The following ZNF461 variants were observed in gnomAD, a reference collection of about 807,000 sequenced individuals.
ZNF461 encodes the protein zinc finger protein 461.
A neutral mutation model predicts 18.3 loss-of-function variants in ZNF461; 16 were observed. The observed-to-expected ratio is 0.88, with a 90% CI of 0.59 to 1.33. ZNF461 has a LOEUF of 1.33. Among genes scored for constraint, ZNF461 ranks in the 40% most tolerant of loss-of-function variants. The pLI is 0.00. For synonymous variants in ZNF461, 179 were observed against 216.9 expected (o/e 0.83, Z 1.54); for missense variants, 595 against 669.9 (o/e 0.89, Z 1.23).
At chr19:36,662,095 C>A (rs1390215597) in intron 2 of ZNF461, among the ~76,000 whole-genome samples, 1 of 151,970 alleles carries the variant, frequency 6.6e-6, no homozygotes, top group Admixed American at 6.6e-5. Flanking sequence ...TATCGAACTC[C>A]CGACCTCAGG....
chr19:36,643,816 A>G lies in ZNF461; in HGVS notation c.279T>C (p.Asn93=), dbSNP rs2037472432. The G allele has an allele frequency of 6.5e-7, 1 of 1,541,872 alleles. No homozygotes were observed. ...WGFHNNFLDN[N]EATDINADLA... ...TACCTGCATTTATGTCTGTAGCCTC[A>G]TTATTGTCCAAGAAATTATTGTGAA... The change falls in exon 5 of 6, where the codon AAT becomes AAC. Residue 93 remains asparagine, a synonymous_variant. Transcript: ENST00000588268.
chr19:36,643,882 T>A lies in ZNF461; in HGVS notation c.233-20A>T. 7.0e-7 allele frequency: 1 copy of A among 1,436,748 alleles called. No individual in the cohort carries two copies. Among genetic ancestry groups the A allele is most frequent in the Non-Finnish European group, 9.3e-7 (1 of 1,069,912 alleles). The allele number at this position is 1,436,748 out of a possible 1,614,324, so 89.0% of individuals were successfully genotyped here. A position where few individuals can be genotyped will look rare whatever the true frequency, so the allele number is the denominator to read the frequency against. On this transcript the variant is annotated intron_variant, in intron 4 of 5. Transcript: ENST00000588268. Reference sequence around the variant, plus strand: ...ATGTACCTACATGGAAACAAAAGAATAAATACTTCATTTTAGAATAATATT... The same window carrying A: ...ATGTACCTACATGGAAACAAAAGAAAAAATACTTCATTTTAGAATAATATT...
chr19:36,644,196 G>A (rs2037480267), intron 4 of ZNF461, among the ~76,000 whole-genome samples: 1 of 151,970 alleles, frequency 6.6e-6, no homozygotes, highest in African/African-American at 2.4e-5. Context: ...GCCTCCCAAA[G>A]TGCTGGGATT....
At chr19:36,659,713 A>G (rs1218383408) in intron 2 of ZNF461, among the ~76,000 whole-genome samples, 3 of 152,200 alleles carry the variant, frequency 2.0e-5, no homozygotes, top group Non-Finnish European at 4.4e-5. Context: ...GTTATCATCC[A>G]CCACCTCTCC....
At chr19:36,642,849 G>T (rs1201494861) in intron 5 of ZNF461, among the ~76,000 whole-genome samples, 2 of 151,844 alleles carry the variant, frequency 1.3e-5, no homozygotes, top group Non-Finnish European at 2.9e-5. Context: ...CCGCCTCCTG[G>T]GTTCAAGTGA....
intron 2 of ZNF461, among the ~76,000 whole-genome samples, chr19:36,659,734 A>G (rs1445937384): frequency 6.6e-6 from 1 of 152,166 alleles, no homozygotes; most frequent in Non-Finnish European, 1.5e-5. Context: ...CTGTATATTT[A>G]CTGTGTTCCC....
chr19:36,638,528 C>CTTTT lies in ZNF461; in HGVS notation c.*124_*125insAAAA. The stretch of plus-strand genomic sequence containing the variant: ...CCAAAATTTACACTTTAGTTATCCA[C>CTTTT]TTTCTCACTTAAAAACATTTGATTT... On this transcript the variant is annotated 3_prime_UTR_variant, in exon 6 of 6. Coordinates refer to ENST00000588268, the MANE Select transcript of ZNF461 (RefSeq NM_153257.5). 1 of 769,018 alleles carries CTTTT rather than the reference C, an allele frequency of 1.3e-6. No homozygotes were observed. Among genetic ancestry groups the CTTTT allele is most frequent in the East Asian group, 2.7e-5 (1 of 36,626 alleles). 47.6% of individuals were successfully genotyped at this position (769,018 alleles called of 1,614,324 possible).
At position 36,639,459 on chromosome 19, in the gene ZNF461, T is replaced by G. The variant is rs770805982; in HGVS notation, c.886A>C (p.Thr296Pro). 1 of 1,613,984 alleles carries G rather than the reference T, an allele frequency of 6.2e-7. No individual in the cohort carries two copies. Among genetic ancestry groups the G allele is most frequent in the Non-Finnish European group, 8.5e-7 (1 of 1,179,980 alleles). ...TTACATTCATAAGGTTTCTCACCAGTGTGAATTCTTTGATGTAGAGTAAGT... is the reference window on the plus strand; with the variant it reads ...TTACATTCATAAGGTTTCTCACCAGGGTGAATTCTTTGATGTAGAGTAAGT... The part of the protein sequence containing the change: ...SELTLHQRIH[T>P]GEKPYECKEC... Residue 296 changes from threonine to proline, a missense_variant, in exon 6 of 6, where the codon ACT becomes CCT. Thr to Pro is a conservative substitution (Grantham distance 38). Coordinates refer to ENST00000588268, the MANE Select transcript of ZNF461 (RefSeq NM_153257.5).
At chr19:36,660,203 G>A (rs1047520507) in intron 2 of ZNF461, among the ~76,000 whole-genome samples, 1 of 144,840 alleles carries the variant, frequency 6.9e-6, no homozygotes, top group Non-Finnish European at 1.5e-5. Flanking sequence ...AAGCTGGAGT[G>A]CAGTGGCATG....
rs1309181737 is a variant in ZNF461, at chr19:36,637,407, A to G, written c.*1246T>C. Reference sequence around the variant, plus strand: ...AGTAGAGACGGGGTTTCACCATGTTAGCCAGGATGGTCTCGATCTCCTGAC... The same window carrying G: ...AGTAGAGACGGGGTTTCACCATGTTGGCCAGGATGGTCTCGATCTCCTGAC... On this transcript the variant is annotated 3_prime_UTR_variant, in exon 6 of 6. Transcript: ENST00000588268. 1.3e-5 allele frequency: 2 copies of G among 151,988 alleles called. No individual in the cohort carries two copies. Among genetic ancestry groups the G allele is most frequent in the Admixed American group, 6.6e-5 (1 of 15,210 alleles). 9.4% of individuals were successfully genotyped at this position (151,988 alleles called of 1,614,324 possible).
intron 4 of ZNF461, among the ~76,000 whole-genome samples, chr19:36,644,619 G>A (rs1225073110): frequency 2.7e-5 from 4 of 149,948 alleles, no homozygotes; most frequent in African/African-American, 9.8e-5. Context: ...TTTTTGAGAT[G>A]GAGTCTTGCT....
In ZNF461 at chr19:36,648,958, G is replaced by A. The variant is rs1374110231; in HGVS notation, c.233-5096C>T. ...CTTCATGTGCCTGTTGGCCCCAGCAGCACAAGAAGTATGGAGCAGATCAGA... is the reference window on the plus strand; with the variant it reads ...CTTCATGTGCCTGTTGGCCCCAGCAACACAAGAAGTATGGAGCAGATCAGA... On this transcript the variant is annotated intron_variant, in intron 4 of 5. Coordinates refer to ENST00000588268, the MANE Select transcript of ZNF461 (RefSeq NM_153257.5). 1.3e-5 allele frequency among the ~76,000 whole-genome samples: 2 copies of A among 152,146 alleles called. 1 individual carries two copies. Among genetic ancestry groups the A allele is most frequent in the Non-Finnish European group, 2.9e-5 (2 of 68,030 alleles).
intron 4 of ZNF461, among the ~76,000 whole-genome samples, chr19:36,653,263 G>A (rs1313955237): frequency 6.6e-6 from 1 of 151,882 alleles, no homozygotes; most frequent in Admixed American, 6.6e-5. Context: ...ATGAAGACTT[G>A]TTTTCATGTA....
At chr19:36,643,621 A>G (rs1026891676) in intron 5 of ZNF461, 173 bp downstream of exon 5, 1 of 481,820 alleles carries the variant, frequency 2.1e-6, no homozygotes. Flanking sequence ...AGACTACTAG[A>G]AGTGTGATAA....
intron 3 of ZNF461, 105 bp downstream of exon 3, chr19:36,658,194 C>G: frequency 1.7e-6 from 2 of 1,192,206 alleles, no homozygotes; most frequent in South Asian, 1.6e-5. Context: ...TATTTGAAAG[C>G]TAGCCCTAAA....
Position 36,664,690 on chromosome 19 carries a change from C to T in ZNF461, c.9+8G>A. On this transcript the variant is annotated splice_region_variant and intron_variant, in intron 2 of 5. Coordinates refer to ENST00000588268, the MANE Select transcript of ZNF461 (RefSeq NM_153257.5). ...ATTGTAATTAGGAGCAAGAAAAAAC[C>T]AACTTACATGGGCCATGTCTTATTT... 6.6e-7 allele frequency: 1 copy of T among 1,510,102 alleles called. No individual in the cohort carries two copies. Among genetic ancestry groups the T allele is most frequent in the East Asian group, 2.5e-5 (1 of 39,726 alleles). 93.5% of individuals were successfully genotyped at this position (1,510,102 alleles called of 1,614,324 possible).
At chr19:36,662,270 T>G (rs766837889) in intron 2 of ZNF461, among the ~76,000 whole-genome samples, 3 of 152,062 alleles carry the variant, frequency 2.0e-5, no homozygotes, top group Non-Finnish European at 4.4e-5. Context: ...TAATTTAATT[T>G]TTTTGAGATG....
intron 2 of ZNF461, among the ~76,000 whole-genome samples, chr19:36,663,267 G>C (rs913924015): frequency 4.0e-5 from 6 of 151,886 alleles, no homozygotes; most frequent in African/African-American, 1.5e-4. Flanking sequence ...CTCCCGCCTT[G>C]GCCTCCCAAA....
At chr19:36,642,901 C>T (rs2037452692) in intron 5 of ZNF461, among the ~76,000 whole-genome samples, 1 of 151,578 alleles carries the variant, frequency 6.6e-6, no homozygotes, top group Admixed American at 6.6e-5. Context: ...ATTACAGGTG[C>T]TCACCACCTG....
Sources: gnomAD v4.1 joint callset for allele counts (sites outside exome capture counted in the v4.1 genomes callset) on GRCh38, gnomAD v4.1.1 for gene constraint, MANE v1.5 for transcripts, NCBI Gene and HGNC (gene_info 2026-07-23, HGNC 2026-07-21) for gene names.